Variants in ADTRP observed in about 807,000 individuals in gnomAD.
ADTRP encodes the protein androgen dependent TFPI regulating protein, also known as androgen-dependent TFPI-regulating protein.
In ADTRP, 20 loss-of-function variants were observed where a neutral mutation model predicts 27.0. That is an observed-to-expected ratio of 0.74 (90% CI 0.52 to 1.08). ADTRP has a LOEUF of 1.08. ADTRP is among the 50% of genes least tolerant of loss of function. The pLI, the probability that ADTRP is intolerant of heterozygous loss-of-function variation, is 0.00. For missense variants in ADTRP, 251 were observed against 275.0 expected, an observed-to-expected ratio of 0.91 and a Z score of 0.62; for synonymous variants, 101 against 105.2, an observed-to-expected ratio of 0.96 and a Z score of 0.25.
intron 2 of ADTRP, chr6:11,767,521 TAGA>T (rs898036338): frequency 2.0e-5 from 3 of 152,250 alleles, no homozygotes; most frequent in African/African-American, 7.2e-5. Flanking sequence ...CAATGACAGG[TAGA>T]AGAAGGTAGT....
At chr6:11,719,748 G>A (rs1761953695) in intron 5 of ADTRP, among the ~76,000 whole-genome samples, 1 of 152,226 alleles carries the variant, frequency 6.6e-6, no homozygotes, top group Non-Finnish European at 1.5e-5. Context: ...CCTATTTGCT[G>A]TAAGTACCTG....
At chr6:11,760,778 T>G (rs1763368597) in intron 3 of ADTRP, among the ~76,000 whole-genome samples, 1 of 152,202 alleles carries the variant, frequency 6.6e-6, no homozygotes, top group South Asian at 2.1e-4. Flanking sequence ...TTGATTTCCT[T>G]ATTCACAATC....
chr6:11,723,287 G>C, intron 5 of ADTRP, 62 bp downstream of exon 5: 1 of 1,577,424 alleles, frequency 6.3e-7, no homozygotes, highest in South Asian at 1.1e-5. Context: ...TCTGTTTCCA[G>C]GTGAAGGGGA....
At chr6:11,758,724 T>C (rs540553622) in intron 3 of ADTRP, among the ~76,000 whole-genome samples, 61 of 151,512 alleles carry the variant, frequency 4.0e-4, no homozygotes, top group African/African-American at 1.5e-3. Flanking sequence ...ATAATAATAA[T>C]AAAATAAATA....
intron 3 of ADTRP, chr6:11,736,166 CAA>C (rs1194825737): frequency 6.1e-6 from 1 of 163,024 alleles, no homozygotes; most frequent in African/African-American, 2.4e-5. Flanking sequence ...CTTGGCCTCC[CAA>C]AGTGCTGGCT....
chr6:11,749,971 C>T (rs1436175245), intron 3 of ADTRP, among the ~76,000 whole-genome samples: 1 of 152,090 alleles, frequency 6.6e-6, no homozygotes, highest in East Asian at 1.9e-4. Context: ...TTTGCCTCTG[C>T]TTCGGGTGGT....
At chr6:11,775,178 C>G (rs1288696752) in intron 1 of ADTRP, among the ~76,000 whole-genome samples, 1 of 152,018 alleles carries the variant, frequency 6.6e-6, no homozygotes, top group Non-Finnish European at 1.5e-5. Flanking sequence ...GCCTCCACCC[C>G]GCAACAACCT....
intron 1 of ADTRP, among the ~76,000 whole-genome samples, chr6:11,774,814 TA>T (rs778353396): frequency 2.6e-4 from 39 of 152,300 alleles, no homozygotes; most frequent in Non-Finnish European, 4.7e-4. Context: ...CCCTAGCTCA[TA>T]TTCTCTGGGA....
chr6:11,723,340 T>C lies in ADTRP; in HGVS notation c.658+9A>G, dbSNP rs1762079367. The stretch of plus-strand genomic sequence containing the variant: ...AGCGCATCTGTAGCTAAGAAAGAAA[T>C]ACACTGACCCCATTTCCAGTGGTTG... On this transcript the variant is annotated intron_variant, in intron 5 of 5. Transcript: ENST00000414691. The C allele has an allele frequency of 1.2e-6, 2 of 1,613,662 alleles. No individual in the cohort carries two copies. Among genetic ancestry groups the C allele is most frequent in the Non-Finnish European group, 1.7e-6 (2 of 1,179,866 alleles).
intron 1 of ADTRP, among the ~76,000 whole-genome samples, chr6:11,776,161 T>C (rs765907397): frequency 3.3e-5 from 5 of 152,150 alleles, no homozygotes; most frequent in Non-Finnish European, 5.9e-5. Context: ...TCTTCACCAG[T>C]TGGGAAGCAT....
chr6:11,722,358 C>A (rs1762046452), intron 5 of ADTRP, among the ~76,000 whole-genome samples: 1 of 152,150 alleles, frequency 6.6e-6, no homozygotes, highest in Admixed American at 6.5e-5. Flanking sequence ...TGGTACTGAA[C>A]CTTCTGAAAC....
intron 4 of ADTRP, among the ~76,000 whole-genome samples, chr6:11,733,808 C>A (rs1279464800): frequency 1.3e-5 from 2 of 152,148 alleles, no homozygotes; most frequent in Admixed American, 1.3e-4. Context: ...ATGGGGACAC[C>A]CGCCCAGGTA....
chr6:11,736,582 G>C (rs973627383), intron 3 of ADTRP: 2 of 152,614 alleles, frequency 1.3e-5, no homozygotes, highest in Admixed American at 1.3e-4. Context: ...ATGCTCGCTC[G>C]CACTTCCAGC....
chr6:11,716,211 T>G (rs1045198798), intron 5 of ADTRP, among the ~76,000 whole-genome samples: 5 of 152,188 alleles, frequency 3.3e-5, no homozygotes, highest in African/African-American at 1.2e-4. Flanking sequence ...CTTTCTTTTA[T>G]CCATGTTGTT....
intron 5 of ADTRP, among the ~76,000 whole-genome samples, chr6:11,715,805 GCT>G (rs1761800332): frequency 7.8e-5 from 7 of 89,256 alleles, no homozygotes; most frequent in Non-Finnish European, 6.2e-5. Flanking sequence ...ACCATGCCCA[GCT>G]TTTTTTTTTT....
intron 3 of ADTRP, among the ~76,000 whole-genome samples, chr6:11,758,106 CTG>C (rs1763270313): frequency 6.6e-6 from 1 of 152,228 alleles, no homozygotes; most frequent in Admixed American, 6.5e-5. Flanking sequence ...CTGTTCTAAT[CTG>C]TGCAGTGGGA....
rs189906885 is a variant in ADTRP at position 11,775,865 on chromosome 6, C to T, written c.153+2742G>A. On this transcript the variant is annotated intron_variant, in intron 1 of 5. Coordinates refer to ENST00000414691, the MANE Select transcript of ADTRP (RefSeq NM_032744.4). ...GCCAATTAGAAATTCAAGCTGTTTACGAGGAGGGGTGTAAATTTTCTGGTA... is the reference window on the plus strand; with the variant it reads ...GCCAATTAGAAATTCAAGCTGTTTATGAGGAGGGGTGTAAATTTTCTGGTA... 1.1e-3 allele frequency among the ~76,000 whole-genome samples: 171 copies of T among 152,246 alleles called. 1 individual carries two copies. The highest frequency in any genetic ancestry group is 1.8e-3 in the Admixed American group (27 of 15,300).
At chr6:11,744,697 G>A (rs1459556097) in intron 3 of ADTRP, among the ~76,000 whole-genome samples, 1 of 152,166 alleles carries the variant, frequency 6.6e-6, no homozygotes, top group East Asian at 1.9e-4. Flanking sequence ...GCTTCACATG[G>A]TGCACATGGA....
rs550376974 is a variant in ADTRP at position 11,716,355 on chromosome 6, A to G, written c.659-1843T>C. Reference sequence around the variant, plus strand: ...ACGAAGGTTTGGAGAAAAGCCACCCAGGAGCAGACATGGTGGTATGAAGCT... The same window carrying G: ...ACGAAGGTTTGGAGAAAAGCCACCCGGGAGCAGACATGGTGGTATGAAGCT... On this transcript the variant is annotated intron_variant, in intron 5 of 5. Coordinates refer to ENST00000414691, the MANE Select transcript of ADTRP (RefSeq NM_032744.4). 2.6e-5 allele frequency among the ~76,000 whole-genome samples: 4 copies of G among 152,336 alleles called. No homozygotes were observed. In the South Asian group the frequency reaches 8.3e-4, roughly 32 times the overall value.
Sources: gnomAD v4.1 joint callset for allele counts (sites outside exome capture counted in the v4.1 genomes callset) on GRCh38, gnomAD v4.1.1 for gene constraint, MANE v1.5 for transcripts, NCBI Gene and HGNC (gene_info 2026-07-23, HGNC 2026-07-21) for gene names.